The following NEGR1 variants were observed in gnomAD, a reference collection of about 807,000 sequenced individuals.
NEGR1 encodes the protein IgLON family member 4.
Under a neutral mutation model 40.9 loss-of-function variants are expected in NEGR1, and 10 were observed. The ratio of observed to expected loss-of-function variants is 0.24; its 90% CI spans 0.15 to 0.42. The LOEUF (loss-of-function observed/expected upper bound fraction) is 0.42. NEGR1 is among the 10% of genes least tolerant of loss of function. The probability of loss-of-function intolerance (pLI) is 1.00; values close to 1 mark genes in which losing one functional copy is unlikely to be tolerated. For synonymous variants in NEGR1, 185 were observed against 166.8 expected, an observed-to-expected ratio of 1.11 and a Z score of -0.84; for missense variants, 352 against 438.9, an observed-to-expected ratio of 0.80 and a Z score of 1.77.
chr1:72,069,571 T>A (rs548885127), intron 1 of NEGR1, among the ~76,000 whole-genome samples: 1 of 152,158 alleles, frequency 6.6e-6, no homozygotes, highest in Non-Finnish European at 1.5e-5. Context: ...GGATATCCAC[T>A]ATCTCTCTCT....
At chr1:71,928,050 G>GTA (rs1491335805) in intron 2 of NEGR1, among the ~76,000 whole-genome samples, 38 of 60,458 alleles carry the variant, frequency 6.3e-4, no homozygotes, top group South Asian at 3.5e-3. Context: ...ACACACACAC[G>GTA]TATATATATA....
At position 71,886,663 on chromosome 1, in the gene NEGR1, C is replaced by T. The variant is rs1021990007; in HGVS notation, c.409+48416G>A. Among the ~76,000 whole-genome samples the T allele has an allele frequency of 3.9e-5, 6 of 152,218 alleles. No homozygotes were observed. In the East Asian group the frequency reaches 1.2e-3, roughly 29 times the overall value. The stretch of plus-strand genomic sequence containing the variant: ...ACACTGCACCTCTTATGTCACTCAC[C>T]TTTTCCCCAAGTTGCCTTAAACGGA... On this transcript the variant is annotated intron_variant, in intron 2 of 6. Coordinates refer to ENST00000357731, the MANE Select transcript of NEGR1 (RefSeq NM_173808.3).
chr1:72,093,538 T>C (rs182876677), intron 1 of NEGR1, among the ~76,000 whole-genome samples: 4 of 152,200 alleles, frequency 2.6e-5, no homozygotes, highest in African/African-American at 9.6e-5. Context: ...CTGTGGTCAT[T>C]ATGTTCCTGT....
At chr1:71,697,457 T>C (rs1212331920) in intron 4 of NEGR1, among the ~76,000 whole-genome samples, 1 of 151,838 alleles carries the variant, frequency 6.6e-6, no homozygotes, top group African/African-American at 2.4e-5. Context: ...CATACTAGCA[T>C]TGACGGTTCT....
chr1:71,885,353 A>G (rs1660695811), intron 2 of NEGR1, among the ~76,000 whole-genome samples: 1 of 152,252 alleles, frequency 6.6e-6, no homozygotes, highest in Non-Finnish European at 1.5e-5. Context: ...GAAACCCTGC[A>G]TAAGTGGGCA....
At chr1:71,673,262 A>G (rs1652497487) in intron 4 of NEGR1, among the ~76,000 whole-genome samples, 1 of 152,134 alleles carries the variant, frequency 6.6e-6, no homozygotes, top group Non-Finnish European at 1.5e-5. Context: ...TACTATGTCC[A>G]GGACATCAGC....
intron 4 of NEGR1, among the ~76,000 whole-genome samples, chr1:71,640,656 A>C (rs77328472): frequency 0.024 from 3,654 of 152,144 alleles, 149 homozygotes; most frequent in African/African-American, 0.083. Flanking sequence ...TTATCTCAAC[A>C]GCTGAATATA....
At chr1:72,011,181 T>C (rs1316773200) in intron 1 of NEGR1, among the ~76,000 whole-genome samples, 3 of 152,114 alleles carry the variant, frequency 2.0e-5, no homozygotes, top group Middle Eastern at 3.2e-3. Flanking sequence ...CTGATGAACA[T>C]TCTGAGACTC....
chr1:71,603,517 C>T (rs1488085082), intron 5 of NEGR1, among the ~76,000 whole-genome samples: 1 of 152,100 alleles, frequency 6.6e-6, no homozygotes, highest in Non-Finnish European at 1.5e-5. Flanking sequence ...TAGAATTATA[C>T]AAGGAATGAG....
intron 1 of NEGR1, among the ~76,000 whole-genome samples, chr1:72,098,952 T>C (rs1648823434): frequency 6.6e-6 from 1 of 152,024 alleles, no homozygotes; most frequent in African/African-American, 2.4e-5. Flanking sequence ...ATTAAGCTTA[T>C]TAACAGATTT....
intron 2 of NEGR1, among the ~76,000 whole-genome samples, chr1:71,907,925 C>T (rs577990117): frequency 9.8e-4 from 149 of 152,252 alleles, no homozygotes; most frequent in African/African-American, 3.4e-3. Context: ...ACTACATGTT[C>T]TCACTTACAA....
chr1:71,868,600 T>C (rs1222579577), intron 2 of NEGR1, among the ~76,000 whole-genome samples: 2 of 152,140 alleles, frequency 1.3e-5, no homozygotes, highest in African/African-American at 4.8e-5. Context: ...CCCTGAAGTT[T>C]AACTTTAATT....
intron 4 of NEGR1, among the ~76,000 whole-genome samples, chr1:71,664,449 T>C (rs1168807427): frequency 1.3e-5 from 2 of 152,212 alleles, no homozygotes; most frequent in Admixed American, 1.3e-4. Context: ...TAAGATATTT[T>C]ACAATTTCCA....
At chr1:71,485,507 C>CATT (rs1159551691) in intron 6 of NEGR1, among the ~76,000 whole-genome samples, 1 of 151,550 alleles carries the variant, frequency 6.6e-6, no homozygotes, top group African/African-American at 2.4e-5. Context: ...TGGGTTTGGA[C>CATT]AAGTGCTTAA....
chr1:72,175,456 G>T (rs1652131611), intron 1 of NEGR1, among the ~76,000 whole-genome samples: 1 of 151,928 alleles, frequency 6.6e-6, no homozygotes, highest in African/African-American at 2.4e-5. Flanking sequence ...GTCTAATTGG[G>T]CTTTCACATG....
chr1:71,795,699 A>C (rs1026710915), intron 2 of NEGR1, among the ~76,000 whole-genome samples: 1 of 152,194 alleles, frequency 6.6e-6, no homozygotes, highest in Admixed American at 6.6e-5. Context: ...AAATGAGTTA[A>C]CTGGGTCCCT....
intron 2 of NEGR1, chr1:71,794,182 A>G (rs926164693): frequency 6.6e-6 from 1 of 152,204 alleles, no homozygotes; most frequent in East Asian, 1.9e-4. Context: ...CAACTGGATT[A>G]CAGAAAATAT....
At chr1:72,110,223 A>T (rs868081631) in intron 1 of NEGR1, among the ~76,000 whole-genome samples, 21,909 of 118,874 alleles carry the variant, frequency 0.18, 1,615 homozygotes, top group East Asian at 0.32. Context: ...GAGTATAATA[A>T]AAAAAAAAAA....
chr1:71,977,758 T>A (rs1570572449), intron 1 of NEGR1, among the ~76,000 whole-genome samples: 2 of 52,072 alleles, frequency 3.8e-5, no homozygotes, highest in Non-Finnish European at 4.0e-5. Context: ...AGGAAAATAG[T>A]AGAAAAGTAG....
Sources: gnomAD v4.1 joint callset for allele counts (sites outside exome capture counted in the v4.1 genomes callset) on GRCh38, gnomAD v4.1.1 for gene constraint, MANE v1.5 for transcripts, NCBI Gene and HGNC (gene_info 2026-07-23, HGNC 2026-07-21) for gene names.